ARMH3: variants seen among roughly 807,000 people sequenced by gnomAD.
ARMH3 encodes the protein armadillo-like helical domain-containing protein 3.
A neutral mutation model predicts 99.1 loss-of-function variants in ARMH3; 60 were observed. The observed-to-expected ratio is 0.61, with a 90% CI of 0.49 to 0.75. The LOEUF is 0.75. ARMH3 is among the 30% of genes least tolerant of loss of function. The pLI is 0.00. For synonymous variants in ARMH3, 285 were observed against 292.8 expected, an observed-to-expected ratio of 0.97 and a Z score of 0.27; for missense variants, 679 against 843.1, an observed-to-expected ratio of 0.81 and a Z score of 2.41.
chr10:101,928,837 T>C (rs184455797), intron 23 of ARMH3, among the ~76,000 whole-genome samples: 14 of 152,100 alleles, frequency 9.2e-5, no homozygotes, highest in African/African-American at 3.1e-4. Flanking sequence ...TTCAAGCCAT[T>C]CTCCTGCCTC....
chr10:101,969,631 A>G (rs190558392), intron 20 of ARMH3, among the ~76,000 whole-genome samples: 80 of 152,308 alleles, frequency 5.3e-4, no homozygotes, highest in African/African-American at 1.8e-3. Flanking sequence ...TTCCCAGTAG[A>G]TATCTAAAAG....
At chr10:102,006,398 G>C in intron 14 of ARMH3, 142 bp downstream of exon 14, 1 of 756,128 alleles carries the variant, frequency 1.3e-6, no homozygotes, top group Non-Finnish European at 2.1e-6. Flanking sequence ...TGGAAATTTA[G>C]GAGGCCTGAA....
intron 24 of ARMH3, among the ~76,000 whole-genome samples, chr10:101,867,093 G>A (rs979520213): frequency 6.6e-6 from 1 of 152,110 alleles, no homozygotes; most frequent in Non-Finnish European, 1.5e-5. Context: ...ATGATGAGGA[G>A]TGCCCTTATC....
chr10:101,864,076 A>ACACACACAC (rs1194790506), intron 24 of ARMH3, among the ~76,000 whole-genome samples: 1 of 128,198 alleles, frequency 7.8e-6, no homozygotes, highest in Non-Finnish European at 1.6e-5. Flanking sequence ...AAAAAAAAAA[A>ACACACACAC]AAACACACAC....
intron 10 of ARMH3, 42 bp from the exon 11 acceptor site, chr10:102,011,825 A>C (rs79678253): frequency 0.024 from 35,954 of 1,520,564 alleles, 532 homozygotes; most frequent in Non-Finnish European, 0.028. Flanking sequence ...ATTGTTTATC[A>C]ATTATGTCTT....
chr10:101,947,751 G>A (rs1844606685), intron 22 of ARMH3, among the ~76,000 whole-genome samples: 1 of 151,676 alleles, frequency 6.6e-6, no homozygotes. Flanking sequence ...AGTGAGCCGA[G>A]ATCATGCCAT....
At chr10:101,886,262 C>A (rs879606014) in intron 24 of ARMH3, among the ~76,000 whole-genome samples, 1 of 151,812 alleles carries the variant, frequency 6.6e-6, no homozygotes, top group African/African-American at 2.4e-5. Flanking sequence ...GCCTGTAATG[C>A]CAGCACTTTG....
At chr10:101,916,915 C>T (rs1843111400) in intron 23 of ARMH3, among the ~76,000 whole-genome samples, 2 of 152,182 alleles carry the variant, frequency 1.3e-5, no homozygotes. Flanking sequence ...GCTCCTGGTT[C>T]TCCAGTTTTT....
chr10:102,000,067 C>A (rs1479831240), intron 15 of ARMH3, among the ~76,000 whole-genome samples: 1 of 151,728 alleles, frequency 6.6e-6, no homozygotes, highest in East Asian at 1.9e-4. Flanking sequence ...GGCAACAGAG[C>A]AAGATTCTGT....
intron 10 of ARMH3, 82 bp from the exon 11 acceptor site, chr10:102,011,865 G>A: frequency 1.8e-6 from 2 of 1,124,184 alleles, no homozygotes; most frequent in Non-Finnish European, 2.6e-6. Flanking sequence ...AATCAGGGCA[G>A]AGCACTCTTA....
chr10:102,041,852 G>A (rs2067433594), intron 1 of ARMH3, among the ~76,000 whole-genome samples: 1 of 152,024 alleles, frequency 6.6e-6, no homozygotes, highest in South Asian at 2.1e-4. Flanking sequence ...GTTTCACTAT[G>A]TTGGCCAGGC....
At chr10:102,032,947 A>G (rs2067165861) in intron 4 of ARMH3, 79 bp downstream of exon 4, 19 of 1,488,114 alleles carry the variant, frequency 1.3e-5, no homozygotes, top group Non-Finnish European at 1.6e-5. Flanking sequence ...GAGCAACTCT[A>G]GGTTCCTCAG....
At chr10:101,920,259 G>A (rs1034045368) in intron 23 of ARMH3, among the ~76,000 whole-genome samples, 1 of 152,190 alleles carries the variant, frequency 6.6e-6, no homozygotes, top group African/African-American at 2.4e-5. Flanking sequence ...ATTTCAGGAG[G>A]TGAGTTGACA....
chr10:101,893,676 AAAAG>A (rs1319668973), intron 23 of ARMH3, among the ~76,000 whole-genome samples: 1 of 152,114 alleles, frequency 6.6e-6, no homozygotes, highest in Non-Finnish European at 1.5e-5. Context: ...ACAGGAAAAA[AAAAG>A]AGAGAGGAAG....
chr10:101,982,571 G>C (rs779106072), intron 19 of ARMH3, among the ~76,000 whole-genome samples: 1 of 152,188 alleles, frequency 6.6e-6, no homozygotes, highest in African/African-American at 2.4e-5. Context: ...TGCACAGCAG[G>C]AGGTGAGTGG....
At chr10:101,955,928 A>G (rs2135804205) in intron 22 of ARMH3, among the ~76,000 whole-genome samples, 1 of 152,358 alleles carries the variant, frequency 6.6e-6, no homozygotes, top group Non-Finnish European at 1.5e-5. Context: ...ACTTCAATAA[A>G]GCTAATAAAT....
chr10:101,984,898 G>A (rs1255728977), intron 19 of ARMH3, among the ~76,000 whole-genome samples: 17 of 151,746 alleles, frequency 1.1e-4, no homozygotes, highest in Non-Finnish European at 1.8e-4. Flanking sequence ...GTGAAACCCC[G>A]TCTCTACCAA....
At chr10:101,887,078 A>T (rs1008532808) in intron 24 of ARMH3, among the ~76,000 whole-genome samples, 1 of 152,226 alleles carries the variant, frequency 6.6e-6, no homozygotes, top group East Asian at 1.9e-4. Context: ...GAAGTGCTCC[A>T]ACACATGCTG....
intron 24 of ARMH3, among the ~76,000 whole-genome samples, chr10:101,864,073 AAAAAAACACACAC>A (rs1384935541): frequency 5.3e-5 from 7 of 131,600 alleles, no homozygotes; most frequent in Non-Finnish European, 8.7e-5. Flanking sequence ...AAAAAAAAAA[AAAAAAACACACAC>A]ACACACACAC....
Sources: gnomAD v4.1 joint callset for allele counts (sites outside exome capture counted in the v4.1 genomes callset) on GRCh38, gnomAD v4.1.1 for gene constraint, MANE v1.5 for transcripts, NCBI Gene and HGNC (gene_info 2026-07-23, HGNC 2026-07-21) for gene names.